CADM2: variants seen among roughly 807,000 people sequenced by gnomAD.
CADM2 encodes cell adhesion molecule 2.
CADM2 carries 12 observed loss-of-function variants against 49.8 expected under a neutral mutation model. The observed-to-expected ratio is 0.24, with a 90% CI of 0.15 to 0.39. The LOEUF is 0.39. CADM2 is among the 10% of genes least tolerant of loss of function. The pLI is 1.00. For missense variants in CADM2, 378 were observed against 492.3 expected (o/e 0.77, Z 2.20); for synonymous variants, 214 against 175.4 (o/e 1.22, Z -1.74).
chr3:85,986,575 A>G (rs78378681), intron 8 of CADM2, among the ~76,000 whole-genome samples: 6,029 of 152,112 alleles, frequency 0.04, 381 homozygotes, highest in African/African-American at 0.14. Flanking sequence ...TAATTATTCA[A>G]TATCCAGATG....
intron 3 of CADM2, among the ~76,000 whole-genome samples, chr3:85,826,145 A>G (rs1454088439): frequency 6.6e-6 from 1 of 152,050 alleles, no homozygotes. Flanking sequence ...TAATTTTTAA[A>G]ACAACTTTAT....
intron 7 of CADM2, among the ~76,000 whole-genome samples, chr3:85,952,309 A>G (rs1174004853): frequency 6.6e-6 from 1 of 150,672 alleles, no homozygotes; most frequent in East Asian, 2.0e-4. Flanking sequence ...CTTAGACTGT[A>G]TTGCCTTTTC....
At chr3:85,149,425 A>T (rs919881242) in intron 1 of CADM2, among the ~76,000 whole-genome samples, 1 of 152,178 alleles carries the variant, frequency 6.6e-6, no homozygotes, top group Non-Finnish European at 1.5e-5. Flanking sequence ...AAGCAAAGAC[A>T]TATACAAATT....
chr3:85,929,565 C>T (rs1290452291), intron 6 of CADM2, among the ~76,000 whole-genome samples: 5 of 151,096 alleles, frequency 3.3e-5, no homozygotes, highest in South Asian at 2.1e-4. Flanking sequence ...TTTAGAAAAC[C>T]GTTTACATGT....
At chr3:85,681,615 T>C (rs904952940) in intron 1 of CADM2, among the ~76,000 whole-genome samples, 1 of 152,142 alleles carries the variant, frequency 6.6e-6, no homozygotes, top group African/African-American at 2.4e-5. Context: ...AGAAATCATC[T>C]AAAACTGTCT....
At chr3:85,786,632 C>T (rs1437945080) in intron 2 of CADM2, among the ~76,000 whole-genome samples, 2 of 152,022 alleles carry the variant, frequency 1.3e-5, no homozygotes, top group African/African-American at 2.4e-5. Flanking sequence ...TATGTTACTA[C>T]ATATTGATCA....
intron 1 of CADM2, among the ~76,000 whole-genome samples, chr3:85,321,116 A>AATTTTTTTTTT (rs2044596099): frequency 3.6e-5 from 1 of 27,502 alleles, no homozygotes; most frequent in Non-Finnish European, 6.5e-5. Flanking sequence ...ATATATATAT[A>AATTTTTTTTTT]TTTTTTTTTT....
chr3:85,648,526 T>C (rs1277258137), intron 1 of CADM2, among the ~76,000 whole-genome samples: 1 of 152,026 alleles, frequency 6.6e-6, no homozygotes, highest in Non-Finnish European at 1.5e-5. Context: ...TTTAAAACTA[T>C]GGCATCTTTA....
chr3:85,513,724 G>A (rs2060830698), intron 1 of CADM2, among the ~76,000 whole-genome samples: 1 of 151,862 alleles, frequency 6.6e-6, no homozygotes, highest in African/African-American at 2.4e-5. Flanking sequence ...AAGCATTCTA[G>A]ACTGCATGAT....
At chr3:85,329,235 C>T (rs1354079009) in intron 1 of CADM2, among the ~76,000 whole-genome samples, 1 of 151,924 alleles carries the variant, frequency 6.6e-6, no homozygotes, top group Non-Finnish European at 1.5e-5. Context: ...TGGAAGCAGC[C>T]CTAAAAAACA....
intron 1 of CADM2, among the ~76,000 whole-genome samples, chr3:85,276,982 G>A (rs141507851): frequency 6.6e-6 from 1 of 151,126 alleles, no homozygotes; most frequent in African/African-American, 2.4e-5. Context: ...ATTTAATATG[G>A]TATTTATATG....
At chr3:85,203,052 C>T (rs375757942) in intron 1 of CADM2, among the ~76,000 whole-genome samples, 14 of 152,108 alleles carry the variant, frequency 9.2e-5, no homozygotes, top group East Asian at 3.9e-4. Context: ...GATTAGGTTT[C>T]GGCTAAGGGA....
chr3:85,518,967 A>G (rs1325700661), intron 1 of CADM2, among the ~76,000 whole-genome samples: 2 of 152,072 alleles, frequency 1.3e-5, no homozygotes, highest in African/African-American at 4.8e-5. Flanking sequence ...TCTGCCTACC[A>G]TATTCCTGAA....
intron 8 of CADM2, among the ~76,000 whole-genome samples, chr3:86,006,632 C>T (rs1730825274): frequency 6.6e-6 from 1 of 152,154 alleles, no homozygotes; most frequent in Admixed American, 6.5e-5. Flanking sequence ...GCTTCAGATA[C>T]CCTTGCCTGG....
chr3:86,046,498 G>C (rs1362952013), intron 8 of CADM2, among the ~76,000 whole-genome samples: 3 of 152,050 alleles, frequency 2.0e-5, no homozygotes, highest in African/African-American at 7.2e-5. Context: ...AATGTTTGGG[G>C]ACAATTTTTA....
chr3:85,385,261 T>G (rs1018189799), intron 1 of CADM2, among the ~76,000 whole-genome samples: 5 of 152,188 alleles, frequency 3.3e-5, no homozygotes, highest in Non-Finnish European at 7.3e-5. Context: ...TTTATTCATT[T>G]ACATTTGCAA....
intron 3 of CADM2, among the ~76,000 whole-genome samples, chr3:85,833,786 C>T (rs76969368): frequency 0.052 from 7,844 of 151,600 alleles, 571 homozygotes; most frequent in African/African-American, 0.16. Context: ...ATATCATCAT[C>T]ATCAGAAAAC....
At chr3:85,741,659 T>C (rs192160041) in intron 2 of CADM2, among the ~76,000 whole-genome samples, 1 of 151,434 alleles carries the variant, frequency 6.6e-6, no homozygotes, top group East Asian at 1.9e-4. Context: ...CAGGCAAGAC[T>C]CTGTCTCAGA....
chr3:85,272,021 T>C (rs1486975074), intron 1 of CADM2, among the ~76,000 whole-genome samples: 4 of 151,160 alleles, frequency 2.6e-5, no homozygotes, highest in East Asian at 3.9e-4. Context: ...TGAGAACTGC[T>C]GTTCTAAGTT....
Sources: allele counts gnomAD v4.1 joint callset (sites outside exome capture counted in the v4.1 genomes callset), GRCh38; gene constraint gnomAD v4.1.1; transcripts MANE v1.5; gene names NCBI Gene and HGNC (gene_info 2026-07-23, HGNC 2026-07-21).